The following DOK5 variants were observed in gnomAD, a reference collection of about 807,000 sequenced individuals.
DOK5 encodes the protein downstream of tyrosine kinase 5.
A neutral mutation model predicts 43.3 loss-of-function variants in DOK5; 27 were observed. The observed-to-expected ratio is 0.62, with a 90% CI of 0.46 to 0.86. The LOEUF (loss-of-function observed/expected upper bound fraction) is 0.86. Among genes scored for constraint, DOK5 ranks in the 40% least tolerant of loss-of-function variants. The pLI, the probability that DOK5 is intolerant of heterozygous loss-of-function variation, is 0.00. For synonymous variants in DOK5, 146 were observed against 140.1 expected, an observed-to-expected ratio of 1.04 and a Z score of -0.30; for missense variants, 373 against 392.9, an observed-to-expected ratio of 0.95 and a Z score of 0.43.
intron 1 of DOK5, among the ~76,000 whole-genome samples, chr20:54,513,478 A>AAC (rs1983081985): frequency 1.3e-5 from 2 of 150,854 alleles, no homozygotes; most frequent in South Asian, 2.1e-4. Context: ...AAAAAAAAAA[A>AAC]AAAAAAAAAA....
rs1568746116 is a variant in DOK5 at position 54,480,948 on chromosome 20, TATCATCTATCTATCATCTATC to T, written c.66+4940_66+4960del. Among the ~76,000 whole-genome samples the T allele has an allele frequency of 3.9e-3, 495 of 126,084 alleles. 18 individuals are homozygous for T. Among genetic ancestry groups the T allele is most frequent in the African/African-American group, 0.014 (408 of 28,934 alleles). The allele number at this position is 126,084 out of a possible 152,430, so 82.7% of individuals were successfully genotyped here. A position where few individuals can be genotyped will look rare whatever the true frequency, so the allele number is the denominator to read the frequency against. On this transcript the variant is annotated intron_variant, in intron 1 of 7. Coordinates refer to ENST00000262593, the MANE Select transcript of DOK5 (RefSeq NM_018431.5). ...ATCAATCATCTATCATCTATCTATCTATCATCTATCTATCATCTATCATCTATCTATCTATCATCTATCATC... is the reference window on the plus strand; with the variant it reads ...ATCAATCATCTATCATCTATCTATCTATCTATCTATCTATCATCTATCATC...
chr20:54,591,559 A>G (rs1379636951), intron 4 of DOK5, 57 bp from the exon 5 acceptor site: 2 of 1,343,838 alleles, frequency 1.5e-6, no homozygotes, highest in Non-Finnish European at 2.0e-6. Context: ...TGTTCCTACA[A>G]TGTCTTTGAT....
intron 5 of DOK5, among the ~76,000 whole-genome samples, chr20:54,599,143 C>T (rs1031875183): frequency 5.9e-5 from 9 of 152,184 alleles, no homozygotes; most frequent in Non-Finnish European, 1.2e-4. Context: ...TACACTTATC[C>T]TTATTGAAGA....
intron 1 of DOK5, among the ~76,000 whole-genome samples, chr20:54,533,188 G>T (rs1344779856): frequency 1.3e-5 from 2 of 152,172 alleles, no homozygotes; most frequent in African/African-American, 4.8e-5. Flanking sequence ...TTTGTGCGTT[G>T]TAGGATATTT....
intron 1 of DOK5, among the ~76,000 whole-genome samples, chr20:54,513,428 G>T (rs1484219281): frequency 1.7e-5 from 1 of 58,772 alleles, no homozygotes; most frequent in South Asian, 5.8e-4. Context: ...ATATTGGTTT[G>T]TTTTGTTTGC....
intron 1 of DOK5, among the ~76,000 whole-genome samples, chr20:54,500,603 C>A (rs1236119088): frequency 1.4e-5 from 2 of 144,592 alleles, no homozygotes; most frequent in Non-Finnish European, 3.0e-5. Context: ...CTCTTGTTGC[C>A]CGGGCTGGAG....
intron 1 of DOK5, among the ~76,000 whole-genome samples, chr20:54,538,674 A>G (rs1984037714): frequency 6.6e-6 from 1 of 152,224 alleles, no homozygotes; most frequent in Non-Finnish European, 1.5e-5. Flanking sequence ...AATATTTAGG[A>G]CAATGATAAA....
At chr20:54,532,621 A>G (rs554774287) in intron 1 of DOK5, among the ~76,000 whole-genome samples, 1 of 152,198 alleles carries the variant, frequency 6.6e-6, no homozygotes, top group African/African-American at 2.4e-5. Flanking sequence ...CAGACTCAAG[A>G]CTTTATGTGC....
In DOK5 at chr20:54,533,356, A is replaced by G. The variant is rs115121176; in HGVS notation, c.67-21577A>G. 4.6e-3 allele frequency among the ~76,000 whole-genome samples: 694 copies of G among 152,294 alleles called. 6 individuals are homozygous for G. The highest frequency in any genetic ancestry group is 0.016 in the African/African-American group (668 of 41,558). On this transcript the variant is annotated intron_variant, in intron 1 of 7. Transcript: ENST00000262593. ...TAAGCATAAAGGAATAGTATTCTTC[A>G]CCTATAGTCCTGTGTCATTGCTATA...
At chr20:54,584,772 T>TACACACAC (rs1303296109) in intron 2 of DOK5, among the ~76,000 whole-genome samples, 2 of 132,520 alleles carry the variant, frequency 1.5e-5, no homozygotes, top group African/African-American at 7.0e-5. Flanking sequence ...TATATCTAGA[T>TACACACAC]ATACACACAC....
chr20:54,611,219 C>T (rs1389042395), intron 6 of DOK5, among the ~76,000 whole-genome samples: 1 of 152,160 alleles, frequency 6.6e-6, no homozygotes, highest in East Asian at 1.9e-4. Context: ...CCTCAGAACA[C>T]TTACTCTTTG....
rs182675952 is a variant in DOK5, at chr20:54,554,983, A to C, written c.117A>C (p.Pro39=). Residue 39 remains proline, a synonymous_variant, in exon 2 of 8, where the codon CCA becomes CCC. Transcript: ENST00000262593. ...LVFKKASSKG[P]KRLEKFSDER... Reference sequence around the variant, plus strand: ...TCAAGAAAGCTTCAAGCAAAGGTCCAAAAAGACTGGAGAAATTTTCTGATG... The same window carrying C: ...TCAAGAAAGCTTCAAGCAAAGGTCCCAAAAGACTGGAGAAATTTTCTGATG... 1 of 1,613,874 alleles carries C rather than the reference A, an allele frequency of 6.2e-7. No homozygotes were observed. The highest frequency in any genetic ancestry group is 2.2e-5 in the East Asian group (1 of 44,846).
chr20:54,502,851 C>T (rs572231288), intron 1 of DOK5, among the ~76,000 whole-genome samples: 1 of 152,142 alleles, frequency 6.6e-6, no homozygotes, highest in South Asian at 2.1e-4. Flanking sequence ...TATATTTTAT[C>T]ATTATTATAA....
intron 6 of DOK5, among the ~76,000 whole-genome samples, chr20:54,613,272 T>TTCTC (rs11473618): frequency 0.067 from 10,208 of 151,640 alleles, 384 homozygotes; most frequent in Middle Eastern, 0.095. Context: ...CTCTCTCTCT[T>TTCTC]TCTAAATGTC....
At chr20:54,487,810 C>T (rs1212486972) in intron 1 of DOK5, among the ~76,000 whole-genome samples, 2 of 152,018 alleles carry the variant, frequency 1.3e-5, no homozygotes, top group Non-Finnish European at 2.9e-5. Context: ...TTGGTTTTGC[C>T]CAAGCCCTTA....
chr20:54,589,404 T>C (rs1437386545), intron 4 of DOK5, among the ~76,000 whole-genome samples: 1 of 152,194 alleles, frequency 6.6e-6, no homozygotes, highest in Non-Finnish European at 1.5e-5. Context: ...ATTAAAAAAA[T>C]ACATATTTTA....
Position 54,596,454 on chromosome 20 carries a change from A to G in DOK5, c.599+4649A>G, listed in dbSNP as rs560065225. Among the ~76,000 whole-genome samples, 7 of 152,286 alleles carry G rather than the reference A, an allele frequency of 4.6e-5. No homozygotes were observed. In the South Asian group the frequency reaches 1.5e-3, roughly 32 times the overall value. The stretch of plus-strand genomic sequence containing the variant: ...AGCCTCTCTCTTAGAACTAGAACTG[A>G]GTGTTATTCCTGCTCAGTGGCTCCG... On this transcript the variant is annotated intron_variant, in intron 5 of 7. Coordinates refer to ENST00000262593, the MANE Select transcript of DOK5 (RefSeq NM_018431.5).
intron 1 of DOK5, among the ~76,000 whole-genome samples, chr20:54,546,112 G>C (rs1171315139): frequency 6.6e-6 from 1 of 152,128 alleles, no homozygotes; most frequent in Non-Finnish European, 1.5e-5. Flanking sequence ...CCTAGCTTTT[G>C]ACCTTGAGTA....
At chr20:54,626,222 A>T (rs1987125590) in intron 6 of DOK5, among the ~76,000 whole-genome samples, 1 of 152,232 alleles carries the variant, frequency 6.6e-6, no homozygotes, top group African/African-American at 2.4e-5. Flanking sequence ...GAATGAGCCG[A>T]AGAACACCGA....
Sources: allele counts gnomAD v4.1 joint callset (sites outside exome capture counted in the v4.1 genomes callset), GRCh38; gene constraint gnomAD v4.1.1; transcripts MANE v1.5; gene names NCBI Gene and HGNC (gene_info 2026-07-23, HGNC 2026-07-21).